Variants in FRYL observed in about 807,000 individuals in gnomAD.
FRYL encodes the protein FRY like transcription coactivator.
FRYL carries 150 observed loss-of-function variants against 351.2 expected under a neutral mutation model. The ratio of observed to expected loss-of-function variants is 0.43; its 90% CI spans 0.37 to 0.49. FRYL has a LOEUF of 0.49. Among genes scored for constraint, FRYL ranks in the 20% least tolerant of loss-of-function variants. The probability of loss-of-function intolerance (pLI) is 0.00; values close to 1 mark genes in which losing one functional copy is unlikely to be tolerated. For synonymous variants in FRYL, 1,153 were observed against 1,257.1 expected, an observed-to-expected ratio of 0.92 and a Z score of 1.75; for missense variants, 3,036 against 3,619.3, an observed-to-expected ratio of 0.84 and a Z score of 4.13.
chr4:48,504,158 T>C (rs996078937), intron 60 of FRYL, among the ~76,000 whole-genome samples: 3 of 152,120 alleles, frequency 2.0e-5, no homozygotes, highest in African/African-American at 4.8e-5. Context: ...TTAAAGTATA[T>C]TAAAATTTGC....
intron 19 of FRYL, among the ~76,000 whole-genome samples, chr4:48,584,549 G>A (rs190663950): frequency 4.5e-4 from 68 of 152,288 alleles, no homozygotes; most frequent in Middle Eastern, 3.4e-3. Context: ...AGCGGCACCA[G>A]GAGATACAAT....
intron 2 of FRYL, among the ~76,000 whole-genome samples, chr4:48,697,947 C>T (rs1766357971): frequency 6.6e-6 from 1 of 152,166 alleles, no homozygotes; most frequent in African/African-American, 2.4e-5. Flanking sequence ...TACAATTGAA[C>T]CAATTGATGT....
At chr4:48,694,631 C>T (rs530826027) in intron 2 of FRYL, among the ~76,000 whole-genome samples, 196 of 152,252 alleles carry the variant, frequency 1.3e-3, no homozygotes, top group African/African-American at 4.3e-3. Flanking sequence ...TATACATATA[C>T]ACAATATAAT....
intron 22 of FRYL, among the ~76,000 whole-genome samples, chr4:48,579,601 T>C (rs1190463317): frequency 6.6e-6 from 1 of 152,196 alleles, no homozygotes; most frequent in Non-Finnish European, 1.5e-5. Context: ...TGTTGACCTG[T>C]ATCTATGTAT....
intron 36 of FRYL, 28 bp downstream of exon 36, chr4:48,553,187 C>T (rs1195618623): frequency 1.3e-6 from 2 of 1,587,894 alleles, no homozygotes; most frequent in East Asian, 2.2e-5. Context: ...TCATCTCACA[C>T]AGCAATCGGT....
At chr4:48,543,115 C>T (rs1191961488) in intron 44 of FRYL, among the ~76,000 whole-genome samples, 1 of 152,204 alleles carries the variant, frequency 6.6e-6, no homozygotes, top group Non-Finnish European at 1.5e-5. Context: ...AGGACCTTTG[C>T]ACCTGTTAGT....
intron 1 of FRYL, among the ~76,000 whole-genome samples, chr4:48,736,364 T>C (rs1381294395): frequency 6.6e-6 from 1 of 150,736 alleles, no homozygotes; most frequent in Non-Finnish European, 1.5e-5. Context: ...AAAATTAGAG[T>C]GGAAATCAAC....
intron 2 of FRYL, among the ~76,000 whole-genome samples, chr4:48,689,049 A>T (rs1765442753): frequency 6.6e-6 from 1 of 152,164 alleles, no homozygotes. Flanking sequence ...ATATTACATG[A>T]CCTGCTAAAA....
chr4:48,607,717 C>T lies in FRYL; in HGVS notation c.573-1111G>A, dbSNP rs148456482. On this transcript the variant is annotated intron_variant, in intron 9 of 63. Transcript: ENST00000358350. ...TTCACGTTTTCTCCCATGTTTATTACATGCATGAGCAGAAAACATCTTAGT... is the reference window on the plus strand; with the variant it reads ...TTCACGTTTTCTCCCATGTTTATTATATGCATGAGCAGAAAACATCTTAGT... 2.6e-4 allele frequency among the ~76,000 whole-genome samples: 40 copies of T among 152,282 alleles called. No homozygotes were observed. The South Asian group carries it at 7.1e-3, about 27-fold the overall frequency.
chr4:48,627,480 T>A (rs1240315245), intron 4 of FRYL, among the ~76,000 whole-genome samples: 1 of 152,192 alleles, frequency 6.6e-6, no homozygotes, highest in African/African-American at 2.4e-5. Flanking sequence ...ATTTGTTTCA[T>A]AACAAATCCA....
intron 3 of FRYL, among the ~76,000 whole-genome samples, chr4:48,634,900 C>T (rs1056452411): frequency 6.6e-6 from 1 of 152,032 alleles, no homozygotes; most frequent in Admixed American, 6.6e-5. Context: ...GAAACAGGAA[C>T]GGGATTGGGG....
chr4:48,716,974 G>A (rs1443983168), intron 1 of FRYL, among the ~76,000 whole-genome samples: 2 of 151,162 alleles, frequency 1.3e-5, no homozygotes, highest in Admixed American at 6.6e-5. Flanking sequence ...CCTTTGTAGG[G>A]ACATGGATGA....
chr4:48,689,568 A>AT (rs78453075), intron 2 of FRYL, among the ~76,000 whole-genome samples: 211 of 152,352 alleles, frequency 1.4e-3, no homozygotes, highest in Admixed American at 8.8e-3. Flanking sequence ...TACACCACAC[A>AT]TAAGTTTACA....
intron 1 of FRYL, among the ~76,000 whole-genome samples, chr4:48,777,052 C>A (rs1037112430): frequency 2.0e-5 from 3 of 151,696 alleles, no homozygotes; most frequent in East Asian, 1.9e-4. Context: ...AAAAAAAAAA[C>A]AAAAACTATT....
Position 48,500,543 on chromosome 4 carries a change from C to A in FRYL, c.8593-323G>T, listed in dbSNP as rs1043049063. On this transcript the variant is annotated intron_variant, in intron 62 of 63. Transcript: ENST00000358350. ...ATGGGGGATCATGAAAACTATATAACAGTAAAGTCTTTAGATTTTAAAAGA... is the reference window on the plus strand; with the variant it reads ...ATGGGGGATCATGAAAACTATATAAAAGTAAAGTCTTTAGATTTTAAAAGA... Among the ~76,000 whole-genome samples, 3 of 152,134 alleles carry A rather than the reference C, an allele frequency of 2.0e-5. No individual in the cohort carries two copies. The South Asian group carries it at 6.2e-4, about 32-fold the overall frequency.
At chr4:48,561,964 C>T (rs1398086450) in intron 32 of FRYL, among the ~76,000 whole-genome samples, 1 of 152,122 alleles carries the variant, frequency 6.6e-6, no homozygotes. Flanking sequence ...AGCAGTGAGC[C>T]ATGACTGTGC....
At position 48,623,081 on chromosome 4, in the gene FRYL, A is replaced by T. The variant is rs1429346992; in HGVS notation, c.174+45T>A. The T allele has an allele frequency of 2.4e-6, 3 of 1,231,132 alleles. No homozygotes were observed. In the African/African-American group the frequency reaches 4.6e-5, roughly 19 times the overall value. The allele number at this position is 1,231,132 out of a possible 1,614,324, so 76.3% of individuals were successfully genotyped here. A position where few individuals can be genotyped will look rare whatever the true frequency, so the allele number is the denominator to read the frequency against. ...CATTTGGGCCAGACTATTAGGATGA[A>T]CACTATTTCCAGGGGAAAAAAAAAT... On this transcript the variant is annotated intron_variant, in intron 5 of 63. Coordinates refer to ENST00000358350, the MANE Select transcript of FRYL (RefSeq NM_015030.2).
At chr4:48,740,270 A>G (rs897920945) in intron 1 of FRYL, among the ~76,000 whole-genome samples, 1 of 151,424 alleles carries the variant, frequency 6.6e-6, no homozygotes, top group Non-Finnish European at 1.5e-5. Flanking sequence ...TTAAAATTCA[A>G]CAATAAGAAA....
chr4:48,546,066 C>A lies in FRYL; in HGVS notation c.5279+1G>T. 6.2e-7 allele frequency: 1 copy of A among 1,611,758 alleles called. No homozygotes were observed. The highest frequency in any genetic ancestry group is 8.5e-7 in the Non-Finnish European group (1 of 1,178,804). ...GGGATGATAAGAGCTGCCAGTGTTACCTTGAGGTAATGAATTCCATGAGGG... is the reference window on the plus strand; with the variant it reads ...GGGATGATAAGAGCTGCCAGTGTTAACTTGAGGTAATGAATTCCATGAGGG... On this transcript the variant is annotated splice_donor_variant, in intron 42 of 63. Transcript: ENST00000358350. LOFTEE classifies it high-confidence loss of function.
Sources: allele counts gnomAD v4.1 joint callset (sites outside exome capture counted in the v4.1 genomes callset), GRCh38; gene constraint gnomAD v4.1.1; transcripts MANE v1.5; gene names NCBI Gene and HGNC (gene_info 2026-07-23, HGNC 2026-07-21).